Variants in HSPG2 observed in about 807,000 individuals in gnomAD.
The protein encoded by HSPG2 is basement membrane-specific heparan sulfate proteoglycan core protein.
A neutral mutation model predicts 526.6 loss-of-function variants in HSPG2; 278 were observed. That is an observed-to-expected ratio of 0.53 (90% CI 0.48 to 0.58). The LOEUF is 0.58. Ranked by LOEUF, HSPG2 falls within the 20% of genes least tolerant of loss-of-function variation. HSPG2 has a pLI of 0.00. For missense variants in HSPG2, 5,354 were observed against 6,099.5 expected (o/e 0.88, Z 4.07); for synonymous variants, 2,465 against 2,555.4 (o/e 0.96, Z 1.07).
chr1:21,853,112 T>G, intron 50 of HSPG2, 42 bp from the exon 51 acceptor site: 1 of 1,611,792 alleles, frequency 6.2e-7, no homozygotes, highest in South Asian at 1.1e-5. Context: ...ACTCTTGGGC[T>G]GTAACCTGTA....
chr1:21,840,334 C>T (rs554145970), intron 71 of HSPG2, among the ~76,000 whole-genome samples: 1 of 151,920 alleles, frequency 6.6e-6, no homozygotes, highest in Non-Finnish European at 1.5e-5. Flanking sequence ...TTTTGAGGGT[C>T]TTGCTCTGTC....
intron 1 of HSPG2, among the ~76,000 whole-genome samples, chr1:21,897,218 G>T (rs72870227): frequency 0.086 from 13,158 of 152,234 alleles, 1,388 homozygotes; most frequent in East Asian, 0.24. Context: ...GGAACCCCGT[G>T]GCCCTCAAGT....
chr1:21,890,717 T>C lies in HSPG2; in HGVS notation c.245-23A>G, dbSNP rs1642297470. On this transcript the variant is annotated intron_variant, in intron 3 of 96. Transcript: ENST00000374695. The surrounding 1 kb of genome is among the most constrained non-coding windows in gnomAD (Gnocchi z 4.1). ...AAACTGGAAAATCGAAGGAGGATCA[T>C]TTTGAGAGCCCCAGCCTGGCATCTA... 1 of 1,563,930 alleles carries C rather than the reference T, an allele frequency of 6.4e-7. No homozygotes were observed. The highest frequency in any genetic ancestry group is 2.2e-5 in the East Asian group (1 of 44,642).
At position 21,895,066 on chromosome 1, in the gene HSPG2, CT is replaced by C. The variant is rs957048681; in HGVS notation, c.244+855del. 2.4e-4 allele frequency among the ~76,000 whole-genome samples: 37 copies of C among 152,244 alleles called. No homozygotes were observed. The highest frequency in any genetic ancestry group is 8.4e-4 in the African/African-American group (35 of 41,466). The stretch of plus-strand genomic sequence containing the variant: ...CAGCTAAAGGGAGGTGACTCCACCC[CT>C]GAAGTAGGCCCAGGCCAGATTTGGC... On this transcript the variant is annotated intron_variant, in intron 3 of 96. Transcript: ENST00000374695. The surrounding 1 kb of genome is among the most constrained non-coding windows in gnomAD (Gnocchi z 4.1).
At chr1:21,829,240 G>A in intron 87 of HSPG2, 143 bp downstream of exon 87, 1 of 1,348,610 alleles carries the variant, frequency 7.4e-7, no homozygotes, top group African/African-American at 1.4e-5. Flanking sequence ...TTGGCCTCAA[G>A]TGACACAGAG....
Position 21,859,982 on chromosome 1 carries a change from CCA to C in HSPG2, c.5033_5034del (p.Val1678GlyfsTer35). On this transcript the variant is annotated frameshift_variant, in exon 41 of 97. Transcript: ENST00000374695. LOFTEE classifies it high-confidence loss of function. This position sits in a 1 kb window ranked among gnomAD's most constrained non-coding sequence, Gnocchi z 5.3. Reference protein sequence around the residue: ...CLPETNQAPLVVEVHPARSIV... With the variant: ...CLPETNQAPLXVEVHPARSIV... ...ATGCTTCGAGCAGGATGGACCTCGA[CCA>C]CCAGTGGGGCTTGGTTTGCTGGGGG... The C allele has an allele frequency of 1.2e-6, 2 of 1,610,768 alleles. No homozygotes were observed. Among genetic ancestry groups the C allele is most frequent in the Non-Finnish European group, 1.7e-6 (2 of 1,179,220 alleles).
At chr1:21,878,719 C>A in intron 18 of HSPG2, 56 bp from the exon 19 acceptor site, 4 of 1,501,896 alleles carry the variant, frequency 2.7e-6, no homozygotes, top group Non-Finnish European at 3.7e-6. Context: ...GCTTTCTCCT[C>A]CCACCCTGGG....
rs754878072 is a variant in HSPG2, at chr1:21,887,711, G to C, written c.704-37C>G. The C allele has an allele frequency of 3.7e-5, 60 of 1,613,560 alleles. No homozygotes were observed. Among genetic ancestry groups the C allele is most frequent in the Non-Finnish European group, 1.0e-5 (12 of 1,179,914 alleles). On this transcript the variant is annotated intron_variant, in intron 7 of 96. Coordinates refer to ENST00000374695, the MANE Select transcript of HSPG2 (RefSeq NM_005529.7). This position sits in a 1 kb window ranked among gnomAD's most constrained non-coding sequence, Gnocchi z 5.0. ...TTCCGCTTGGCATTTGGCAGAAGCA[G>C]ATGGCTCCTCACCTGCTCCTTGTCC...
intron 77 of HSPG2, 81 bp downstream of exon 77, chr1:21,834,598 A>G: frequency 6.6e-7 from 1 of 1,517,038 alleles, no homozygotes; most frequent in Non-Finnish European, 9.1e-7. Flanking sequence ...GGAAGAGCAG[A>G]GCGGGCAGGC....
At chr1:21,845,197 G>C (rs1638334311) in intron 64 of HSPG2, among the ~76,000 whole-genome samples, 1 of 152,144 alleles carries the variant, frequency 6.6e-6, no homozygotes, top group Non-Finnish European at 1.5e-5. Flanking sequence ...AGTGAGCCGA[G>C]GTCATGCCAC....
rs1389735985 is a variant in HSPG2, at chr1:21,831,801, T to C, written c.11208-5A>G. 2 of 1,595,764 alleles carry C rather than the reference T, an allele frequency of 1.3e-6. No individual in the cohort carries two copies. The highest frequency in any genetic ancestry group is 1.7e-6 in the Non-Finnish European group (2 of 1,168,062). The stretch of plus-strand genomic sequence containing the variant: ...ATGCCTGAGCCTGCATCGAACCTGC[T>C]CCGTGGGGCAGGCCGGGGCAGGAGA... On this transcript the variant is annotated splice_polypyrimidine_tract_variant and splice_region_variant and intron_variant, in intron 81 of 96. Transcript: ENST00000374695.
intron 76 of HSPG2, 106 bp downstream of exon 76, chr1:21,835,434 A>C: frequency 1.3e-6 from 1 of 776,588 alleles, no homozygotes; most frequent in Admixed American, 1.9e-5. Flanking sequence ...CTTTATTCTG[A>C]CACATTTAGG....
At position 21,824,712 on chromosome 1, in the gene HSPG2, G is replaced by T; in HGVS notation, c.12657C>A (p.Phe4219Leu). Residue 4219 changes from phenylalanine (F) to leucine (L), a missense_variant, in exon 92 of 97, where the codon TTC becomes TTA. Phe to Leu is a conservative substitution (Grantham distance 22). Transcript: ENST00000374695. This position sits in a 1 kb window ranked among gnomAD's most constrained non-coding sequence, Gnocchi z 5.9. ...TCCAATGCCAGTCTCACCTCCTGGAGAAGACATGGCCAGGGAAGGCGAGGA... is the reference window on the plus strand; with the variant it reads ...TCCAATGCCAGTCTCACCTCCTGGATAAGACATGGCCAGGGAAGGCGAGGA... ...DGFLAFPGHV[F>L]SRSLPEVPET... The T allele has an allele frequency of 6.2e-7, 1 of 1,613,762 alleles. No individual in the cohort carries two copies. The highest frequency in any genetic ancestry group is 2.2e-5 in the East Asian group (1 of 44,870).
chr1:21,894,047 A>G (rs1642567009), intron 3 of HSPG2, among the ~76,000 whole-genome samples: 1 of 152,036 alleles, frequency 6.6e-6, no homozygotes, highest in African/African-American at 2.4e-5. Flanking sequence ...CAGGGGACAC[A>G]CACAGACATG....
At chr1:21,851,336 T>C (rs371762202) in intron 55 of HSPG2, 26 of 650,014 alleles carry the variant, frequency 4.0e-5, no homozygotes, top group East Asian at 3.3e-4. Flanking sequence ...TTAAGTAACT[T>C]GTCCGAGGTC....
At chr1:21,827,839 G>A in intron 91 of HSPG2, 24 bp downstream of exon 91, 1 of 1,568,730 alleles carries the variant, frequency 6.4e-7, no homozygotes, top group Non-Finnish European at 8.6e-7. Flanking sequence ...TGAAGCTGGG[G>A]AGGAGGCCAT....
chr1:21,849,957 C>T (rs1463399699), intron 57 of HSPG2, 84 bp downstream of exon 57: 24 of 1,551,484 alleles, frequency 1.5e-5, no homozygotes, highest in African/African-American at 2.7e-5. Context: ...GGATTACAGG[C>T]GTGAGCCACT....
At position 21,831,802 on chromosome 1, in the gene HSPG2, C is replaced by T. The variant is rs747833392; in HGVS notation, c.11208-6G>A. 3.1e-6 allele frequency: 5 copies of T among 1,595,396 alleles called. No individual in the cohort carries two copies. The highest frequency in any genetic ancestry group is 4.3e-6 in the Non-Finnish European group (5 of 1,167,842). On this transcript the variant is annotated splice_polypyrimidine_tract_variant and splice_region_variant and intron_variant, in intron 81 of 96. Coordinates refer to ENST00000374695, the MANE Select transcript of HSPG2 (RefSeq NM_005529.7). The stretch of plus-strand genomic sequence containing the variant: ...TGCCTGAGCCTGCATCGAACCTGCT[C>T]CGTGGGGCAGGCCGGGGCAGGAGAG...
chr1:21,829,644 G>A (rs755285260), intron 86 of HSPG2, 40 bp from the exon 87 acceptor site: 2 of 1,544,512 alleles, frequency 1.3e-6, no homozygotes, highest in South Asian at 2.3e-5. Flanking sequence ...TGGGGATCCT[G>A]GACCCTCGGG....
Sources: gnomAD v4.1 joint callset for allele counts (sites outside exome capture counted in the v4.1 genomes callset) on GRCh38, gnomAD v4.1.1 for gene constraint, Gnocchi (gnomAD v3.1) non-coding constraint, MANE v1.5 for transcripts, NCBI Gene and HGNC (gene_info 2026-07-23, HGNC 2026-07-21) for gene names.